Variants in CCDC169 observed in about 807,000 individuals in gnomAD.
CCDC169 encodes the protein coiled-coil domain-containing protein 169.
A neutral mutation model predicts 36.0 loss-of-function variants in CCDC169; 30 were observed. The ratio of observed to expected loss-of-function variants is 0.83; its 90% CI spans 0.62 to 1.13. CCDC169 has a LOEUF of 1.13. Ranked by LOEUF, CCDC169 falls within the 50% of genes most tolerant of loss-of-function variation. The pLI is 0.00. For missense variants in CCDC169, 245 were observed against 245.9 expected, an observed-to-expected ratio of 1.00 and a Z score of 0.03; for synonymous variants, 85 against 81.5, an observed-to-expected ratio of 1.04 and a Z score of -0.23.
chr13:36,251,060 C>T (rs557196681), intron 6 of CCDC169, among the ~76,000 whole-genome samples: 16 of 152,268 alleles, frequency 1.1e-4, no homozygotes, highest in South Asian at 1.0e-3. Context: ...AGTAATGCAA[C>T]GTACCTATGT....
rs568268136 is a variant in CCDC169, at chr13:36,277,750, G to C, written c.315+5719C>G. 2.7e-3 allele frequency among the ~76,000 whole-genome samples: 414 copies of C among 152,152 alleles called. 2 individuals are homozygous for C. Among genetic ancestry groups the C allele is most frequent in the Non-Finnish European group, 4.7e-3 (318 of 67,988 alleles). The stretch of plus-strand genomic sequence containing the variant: ...CGGATCACCTGAGGTCAGGAGTTCA[G>C]CCTGGCCAACATGGCAAAACCCCAT... On this transcript the variant is annotated intron_variant, in intron 4 of 7. Coordinates refer to ENST00000239859, the MANE Select transcript of CCDC169 (RefSeq NM_001144981.3).
intron 7 of CCDC169, among the ~76,000 whole-genome samples, chr13:36,236,956 T>C (rs1400878940): frequency 1.4e-5 from 2 of 147,080 alleles, no homozygotes; most frequent in Non-Finnish European, 3.0e-5. Flanking sequence ...TAATCCAGTA[T>C]ACTTTAAATC....
In CCDC169 at chr13:36,257,709, AG is replaced by A. The variant is rs75715726; in HGVS notation, c.316-3567del. Among the ~76,000 whole-genome samples, 868 of 148,912 alleles carry A rather than the reference AG, an allele frequency of 5.8e-3. 7 individuals carry two copies. Among genetic ancestry groups the A allele is most frequent in the African/African-American group, 0.018 (713 of 40,716 alleles). On this transcript the variant is annotated intron_variant, in intron 4 of 7. Transcript: ENST00000239859. Reference sequence around the variant, plus strand: ...ACAGCAAGACTCCAACTAAAAAAAAAGAAAAAAAGAAAAAATCTTTCTACCT... The same window carrying A: ...ACAGCAAGACTCCAACTAAAAAAAAAAAAAAAAGAAAAAATCTTTCTACCT...
intron 4 of CCDC169, among the ~76,000 whole-genome samples, chr13:36,256,712 AC>A (rs1287327834): frequency 6.6e-5 from 10 of 151,998 alleles, no homozygotes; most frequent in African/African-American, 2.4e-4. Flanking sequence ...TGAGGCCCCC[AC>A]CGGCCTGGGG....
At chr13:36,246,690 A>T (rs761088264) in intron 7 of CCDC169, among the ~76,000 whole-genome samples, 2 of 152,220 alleles carry the variant, frequency 1.3e-5, no homozygotes, top group Non-Finnish European at 2.9e-5. Flanking sequence ...GCAGCAAGTT[A>T]CCCAGAACTA....
chr13:36,228,462 C>A (rs1477302451), downstream of CCDC169, among the ~76,000 whole-genome samples: 1 of 152,074 alleles, frequency 6.6e-6, no homozygotes, highest in Admixed American at 6.6e-5. Flanking sequence ...TCTGAACTTT[C>A]CAATGAAAGA....
At chr13:36,240,534 A>G (rs1384636239) in intron 7 of CCDC169, 12 of 953,896 alleles carry the variant, frequency 1.3e-5, no homozygotes, top group South Asian at 1.6e-5. Flanking sequence ...AAAAATCAGA[A>G]TCAGAAGGAT....
At chr13:36,235,679 A>C (rs1870983629) in intron 7 of CCDC169, among the ~76,000 whole-genome samples, 1 of 151,894 alleles carries the variant, frequency 6.6e-6, no homozygotes, top group Non-Finnish European at 1.5e-5. Flanking sequence ...GAAGAAAAAA[A>C]AAAGAAGTAA....
chr13:36,257,617 C>A (rs954742340), intron 4 of CCDC169, among the ~76,000 whole-genome samples: 1 of 151,874 alleles, frequency 6.6e-6, no homozygotes, highest in Admixed American at 6.6e-5. Context: ...GCAAGTGAGT[C>A]GCTTGAACGC....
At chr13:36,293,920 T>A (rs925681107) in intron 2 of CCDC169, among the ~76,000 whole-genome samples, 2 of 152,118 alleles carry the variant, frequency 1.3e-5, no homozygotes, top group African/African-American at 4.8e-5. Context: ...GTTTTGAGTG[T>A]GATGTGGTAG....
intron 6 of CCDC169, among the ~76,000 whole-genome samples, 184 bp from the exon 7 acceptor site, chr13:36,248,866 A>G (rs992845333): frequency 6.6e-6 from 1 of 151,214 alleles, no homozygotes; most frequent in Non-Finnish European, 1.5e-5. Context: ...AAGATTCTGG[A>G]AATCCCCCTA....
chr13:36,292,663 C>A (rs552897991), intron 2 of CCDC169, among the ~76,000 whole-genome samples: 1 of 152,148 alleles, frequency 6.6e-6, no homozygotes, highest in African/African-American at 2.4e-5. Flanking sequence ...AAAAACTACT[C>A]TTTTGAAGGC....
intron 2 of CCDC169, among the ~76,000 whole-genome samples, chr13:36,286,574 C>A (rs1324837668): frequency 6.6e-6 from 1 of 152,104 alleles, no homozygotes; most frequent in South Asian, 2.1e-4. Flanking sequence ...CCTGTTTGTC[C>A]GTGTGTGAGA....
intron 4 of CCDC169, among the ~76,000 whole-genome samples, chr13:36,257,822 G>A (rs1173297264): frequency 6.6e-6 from 1 of 151,688 alleles, no homozygotes; most frequent in Non-Finnish European, 1.5e-5. Flanking sequence ...ATACACTAAG[G>A]GCTCAGTCAT....
intron 7 of CCDC169, among the ~76,000 whole-genome samples, chr13:36,247,044 GA>G (rs1872586973): frequency 6.6e-6 from 1 of 152,148 alleles, no homozygotes; most frequent in African/African-American, 2.4e-5. Context: ...TTACCATTCT[GA>G]AAATCCTAGG....
intron 4 of CCDC169, among the ~76,000 whole-genome samples, chr13:36,269,827 G>A (rs1594057475): frequency 6.6e-6 from 1 of 152,074 alleles, no homozygotes; most frequent in Non-Finnish European, 1.5e-5. Flanking sequence ...CATACTGAAC[G>A]GGGAGAAGTT....
intron 4 of CCDC169, among the ~76,000 whole-genome samples, chr13:36,254,477 A>T (rs555338451): frequency 2.6e-5 from 4 of 151,826 alleles, no homozygotes; most frequent in Admixed American, 1.3e-4. Flanking sequence ...TGGTTTCACT[A>T]TGTTGGCCAG....
In CCDC169 at chr13:36,230,983, C is replaced by T. The variant is rs1341515416; in HGVS notation, c.*210G>A. The T allele has an allele frequency of 2.3e-6, 3 of 1,300,180 alleles. No homozygotes were observed. The African/African-American group carries it at 4.6e-5, about 20-fold the overall frequency. 80.5% of individuals were successfully genotyped at this position (1,300,180 alleles called of 1,614,324 possible). ...ATTCCCTAGGATATTTTAAAACTCTCAAGCACTTCTATTACATAGTTTAGG... is the reference window on the plus strand; with the variant it reads ...ATTCCCTAGGATATTTTAAAACTCTTAAGCACTTCTATTACATAGTTTAGG... On this transcript the variant is annotated 3_prime_UTR_variant, in exon 8 of 8. Coordinates refer to ENST00000239859, the MANE Select transcript of CCDC169 (RefSeq NM_001144981.3).
intron 4 of CCDC169, 192 bp downstream of exon 4, chr13:36,283,277 A>C: frequency 1.6e-6 from 1 of 610,176 alleles, no homozygotes; most frequent in Non-Finnish European, 2.9e-6. Context: ...ACACCTGTGA[A>C]TATAGCTGGC....
Sources: allele counts gnomAD v4.1 joint callset (sites outside exome capture counted in the v4.1 genomes callset), GRCh38; gene constraint gnomAD v4.1.1; transcripts MANE v1.5; gene names NCBI Gene and HGNC (gene_info 2026-07-23, HGNC 2026-07-21).